DOK6: variants seen among roughly 807,000 people sequenced by gnomAD.
DOK6 encodes the protein downstream of tyrosine kinase 6.
DOK6 carries 22 observed loss-of-function variants against 44.0 expected under a neutral mutation model. That is an observed-to-expected ratio of 0.50 (90% CI 0.36 to 0.71). DOK6 has a LOEUF of 0.71. Ranked by LOEUF, DOK6 falls within the 30% of genes least tolerant of loss-of-function variation. The probability of loss-of-function intolerance (pLI) is 0.00; values close to 1 mark genes in which losing one functional copy is unlikely to be tolerated. For missense variants in DOK6, 340 were observed against 416.4 expected (o/e 0.82, Z 1.60); for synonymous variants, 166 against 145.5 (o/e 1.14, Z -1.01).
chr18:69,514,299 AGAC>A (rs1417755595), intron 1 of DOK6, among the ~76,000 whole-genome samples: 1 of 152,200 alleles, frequency 6.6e-6, no homozygotes, highest in Non-Finnish European at 1.5e-5. Flanking sequence ...GAAGACATGA[AGAC>A]GACATTTAAG....
intron 7 of DOK6, among the ~76,000 whole-genome samples, chr18:69,801,084 A>AT (rs146264896): frequency 1.1e-4 from 16 of 142,760 alleles, no homozygotes; most frequent in African/African-American, 2.6e-4. Flanking sequence ...CTTTACTTTG[A>AT]TTTTGTTTTG....
intron 1 of DOK6, among the ~76,000 whole-genome samples, chr18:69,468,091 G>T (rs990784744): frequency 4.6e-5 from 7 of 151,954 alleles, no homozygotes; most frequent in Non-Finnish European, 8.8e-5. Flanking sequence ...ATCCTCCTTA[G>T]GTGATTATCA....
rs77372040 is a variant in DOK6, at chr18:69,416,125, G to A, written c.66+14815G>A. 2.4e-4 allele frequency among the ~76,000 whole-genome samples: 36 copies of A among 147,810 alleles called. 1 individual carries two copies. The highest frequency in any genetic ancestry group is 8.8e-4 in the South Asian group (4 of 4,530). On this transcript the variant is annotated intron_variant, in intron 1 of 7. Transcript: ENST00000382713. ...GGGAGAGAGGGATGGAGGGAGGGAC[G>A]GAGGAAGGGAGGGAGGGACGGAGGG... is the stretch of plus-strand genomic sequence containing the variant.
chr18:69,436,345 T>A (rs990530203), intron 1 of DOK6, among the ~76,000 whole-genome samples: 15 of 151,472 alleles, frequency 9.9e-5, no homozygotes, highest in African/African-American at 3.4e-4. Context: ...CAGGCCCCAG[T>A]GTATTATGTT....
intron 3 of DOK6, among the ~76,000 whole-genome samples, chr18:69,614,112 GA>G (rs1984226489): frequency 6.6e-6 from 1 of 151,874 alleles, no homozygotes; most frequent in African/African-American, 2.4e-5. Context: ...ATTTCAAAGA[GA>G]ACATCATTTA....
intron 1 of DOK6, among the ~76,000 whole-genome samples, chr18:69,415,411 G>A (rs1204068262): frequency 6.6e-6 from 1 of 152,022 alleles, no homozygotes; most frequent in African/African-American, 2.4e-5. Context: ...TGATTGATGG[G>A]CTGTCAATTT....
intron 1 of DOK6, among the ~76,000 whole-genome samples, chr18:69,525,608 C>A (rs930284652): frequency 3.9e-5 from 6 of 152,012 alleles, no homozygotes; most frequent in African/African-American, 7.2e-5. Flanking sequence ...TGCCATTTCC[C>A]TGCTTTCAAA....
At chr18:69,800,276 C>G (rs959338469) in intron 7 of DOK6, among the ~76,000 whole-genome samples, 11 of 152,032 alleles carry the variant, frequency 7.2e-5, no homozygotes, top group African/African-American at 2.7e-4. Context: ...TAAAATTTTC[C>G]TGTCTTACAA....
intron 1 of DOK6, among the ~76,000 whole-genome samples, chr18:69,423,669 T>G (rs1192334346): frequency 6.6e-6 from 1 of 152,244 alleles, no homozygotes. Flanking sequence ...TTGCTCATGA[T>G]TGTTTTAATT....
intron 1 of DOK6, among the ~76,000 whole-genome samples, chr18:69,556,003 T>C (rs1982677302): frequency 6.6e-6 from 1 of 152,234 alleles, no homozygotes; most frequent in Non-Finnish European, 1.5e-5. Flanking sequence ...TTCTGCTGAA[T>C]TAACCTCTGA....
chr18:69,627,480 G>A (rs922138287), intron 3 of DOK6, among the ~76,000 whole-genome samples: 13 of 151,724 alleles, frequency 8.6e-5, no homozygotes, highest in South Asian at 2.1e-4. Flanking sequence ...ACGGAGTCTC[G>A]CTTTGTCCCC....
chr18:69,697,085 C>A (rs1986405154), intron 4 of DOK6, among the ~76,000 whole-genome samples: 1 of 152,092 alleles, frequency 6.6e-6, no homozygotes, highest in South Asian at 2.1e-4. Context: ...GTTTTTATGG[C>A]TAGTTAATGT....
intron 6 of DOK6, among the ~76,000 whole-genome samples, chr18:69,751,366 A>C (rs1979173688): frequency 6.6e-6 from 1 of 152,210 alleles, no homozygotes; most frequent in South Asian, 2.1e-4. Context: ...TATAATTATA[A>C]ATTGTCAATT....
At chr18:69,523,700 GTTAT>G (rs925174128) in intron 1 of DOK6, among the ~76,000 whole-genome samples, 2 of 151,130 alleles carry the variant, frequency 1.3e-5, no homozygotes, top group South Asian at 2.1e-4. Context: ...TCTCTTTGGT[GTTAT>G]TTATTTTGTT....
chr18:69,524,571 C>A (rs1306567721), intron 1 of DOK6, among the ~76,000 whole-genome samples: 1 of 151,824 alleles, frequency 6.6e-6, no homozygotes, highest in African/African-American at 2.4e-5. Context: ...TAGACAATTA[C>A]AATAATCACA....
At chr18:69,788,189 T>C (rs1980489925) in intron 7 of DOK6, among the ~76,000 whole-genome samples, 1 of 152,186 alleles carries the variant, frequency 6.6e-6, no homozygotes. Flanking sequence ...AGGGGTAATC[T>C]AGGTCTCTTC....
chr18:69,669,281 G>A (rs73465968), intron 3 of DOK6, among the ~76,000 whole-genome samples: 2,789 of 152,178 alleles, frequency 0.018, 82 homozygotes, highest in African/African-American at 0.064. Context: ...AGGCCCTGGC[G>A]TCTCTTGTTC....
At chr18:69,572,725 C>A (rs1983144030) in intron 2 of DOK6, among the ~76,000 whole-genome samples, 1 of 151,762 alleles carries the variant, frequency 6.6e-6, no homozygotes, top group African/African-American at 2.4e-5. Context: ...CATTGGAAAC[C>A]AAGAGAAAAC....
chr18:69,607,924 G>GA (rs779847561), intron 3 of DOK6, among the ~76,000 whole-genome samples: 1 of 152,102 alleles, frequency 6.6e-6, no homozygotes, highest in African/African-American at 2.4e-5. Context: ...ACTATAATGT[G>GA]AAAAAACCCT....
Sources: gnomAD v4.1 joint callset for allele counts (sites outside exome capture counted in the v4.1 genomes callset) on GRCh38, gnomAD v4.1.1 for gene constraint, MANE v1.5 for transcripts, NCBI Gene and HGNC (gene_info 2026-07-23, HGNC 2026-07-21) for gene names.